Variants in SSBP2 observed in about 807,000 individuals in gnomAD.
SSBP2 encodes the protein single stranded DNA binding protein 2.
Under a neutral mutation model 61.8 loss-of-function variants are expected in SSBP2, and 17 were observed. The observed-to-expected ratio is 0.28, with a 90% CI of 0.19 to 0.41. SSBP2 has a LOEUF of 0.41. Ranked by LOEUF, SSBP2 falls within the 10% of genes least tolerant of loss-of-function variation. The probability of loss-of-function intolerance (pLI) is 1.00; values close to 1 mark genes in which losing one functional copy is unlikely to be tolerated. For missense variants in SSBP2, 310 were observed against 458.7 expected (o/e 0.68, Z 2.96); for synonymous variants, 139 against 141.3 (o/e 0.98, Z 0.12).
chr5:81,531,546 A>C (rs1430424584), intron 4 of SSBP2, among the ~76,000 whole-genome samples: 2 of 152,098 alleles, frequency 1.3e-5, no homozygotes, highest in Admixed American at 1.3e-4. Flanking sequence ...CTTAGTGTTT[A>C]AGGTAAGAAT....
chr5:81,525,803 G>A (rs1475368619), intron 4 of SSBP2, among the ~76,000 whole-genome samples: 1 of 151,976 alleles, frequency 6.6e-6, no homozygotes, highest in Admixed American at 6.6e-5. Flanking sequence ...TCTGCTGTGG[G>A]ACCTCTCTCA....
chr5:81,726,410 C>T (rs1025076187), intron 1 of SSBP2, among the ~76,000 whole-genome samples: 1 of 152,082 alleles, frequency 6.6e-6, no homozygotes, highest in Non-Finnish European at 1.5e-5. Context: ...AACAACAGTA[C>T]AGTAAGTGAA....
intron 4 of SSBP2, among the ~76,000 whole-genome samples, chr5:81,571,346 G>A (rs1383514433): frequency 6.6e-6 from 1 of 151,854 alleles, no homozygotes; most frequent in East Asian, 1.9e-4. Context: ...TGGGAGGTGA[G>A]AGTGCAGTGG....
chr5:81,560,504 T>C (rs1305192472), intron 4 of SSBP2, among the ~76,000 whole-genome samples: 15 of 152,166 alleles, frequency 9.9e-5, no homozygotes, highest in Admixed American at 9.8e-4. Context: ...GCAAGGTACA[T>C]AGCAGAAGTA....
rs1454946167 is a variant in SSBP2 at position 81,417,444 on chromosome 5, G to A, written c.*3060C>T. ...GCAGAGTAACAAGATTTTACCTACT[G>A]CTTACTTTTTCATTTTACATGTGTA... is the stretch of plus-strand genomic sequence containing the variant. On this transcript the variant is annotated 3_prime_UTR_variant, in exon 17 of 17. Transcript: ENST00000320672. 6.6e-6 allele frequency: 1 copy of A among 152,156 alleles called. No individual in the cohort carries two copies. Among genetic ancestry groups the A allele is most frequent in the Non-Finnish European group, 1.5e-5 (1 of 68,034 alleles). 9.4% of individuals were successfully genotyped at this position (152,156 alleles called of 1,614,324 possible).
At chr5:81,642,031 G>A (rs1748836565) in intron 2 of SSBP2, among the ~76,000 whole-genome samples, 1 of 152,072 alleles carries the variant, frequency 6.6e-6, no homozygotes, top group African/African-American at 2.4e-5. Context: ...GGAAAAGGAG[G>A]ACTTTCATTT....
chr5:81,679,288 C>T (rs895037120), intron 1 of SSBP2, among the ~76,000 whole-genome samples: 1 of 152,200 alleles, frequency 6.6e-6, no homozygotes, highest in Non-Finnish European at 1.5e-5. Context: ...GGATTACAGG[C>T]ATGTGCCACT....
intron 1 of SSBP2, among the ~76,000 whole-genome samples, chr5:81,683,031 A>G (rs983986469): frequency 1.3e-5 from 2 of 149,886 alleles, no homozygotes; most frequent in Non-Finnish European, 1.5e-5. Context: ...AGTAAATGAG[A>G]GCGATACCAT....
chr5:81,696,121 T>C (rs1450492749), intron 1 of SSBP2, among the ~76,000 whole-genome samples: 1 of 152,208 alleles, frequency 6.6e-6, no homozygotes, highest in Non-Finnish European at 1.5e-5. Flanking sequence ...CAAAGATTCC[T>C]GTTCCCTACA....
intron 1 of SSBP2, among the ~76,000 whole-genome samples, chr5:81,742,936 G>A (rs1305240530): frequency 6.6e-6 from 1 of 151,990 alleles, no homozygotes; most frequent in African/African-American, 2.4e-5. Flanking sequence ...AAAGAAAAAA[G>A]TCTGCTATGA....
At chr5:81,596,863 T>A (rs1364097740) in intron 4 of SSBP2, among the ~76,000 whole-genome samples, 1 of 148,778 alleles carries the variant, frequency 6.7e-6, no homozygotes, top group Non-Finnish European at 1.5e-5. Flanking sequence ...GACTTAAATG[T>A]TAGACCTAAA....
chr5:81,516,110 A>C (rs1292112146), intron 4 of SSBP2, among the ~76,000 whole-genome samples: 3 of 152,058 alleles, frequency 2.0e-5, no homozygotes, highest in Admixed American at 2.0e-4. Context: ...GGAATAGAGA[A>C]TTCCCAGTAA....
intron 4 of SSBP2, among the ~76,000 whole-genome samples, chr5:81,595,265 C>T (rs1267023432): frequency 1.3e-5 from 2 of 152,164 alleles, no homozygotes; most frequent in Non-Finnish European, 2.9e-5. Flanking sequence ...TTCCTCGACA[C>T]ATACACTCTC....
In SSBP2 at chr5:81,615,533, T is replaced by A; in HGVS notation, c.222A>T (p.Ala74=). The change falls in exon 4 of 17, where the codon GCA becomes GCT. Residue 74 remains alanine (A), a synonymous_variant. Transcript: ENST00000320672. Reference sequence around the variant, plus strand: ...CACATGTTTCACGTCTCTCTGGAGCTGCACAGTAGAGATCCCAAAATACAC... The same window carrying A: ...CACATGTTTCACGTCTCTCTGGAGCAGCACAGTAGAGATCCCAAAATACAC... 1 of 1,613,486 alleles carries A rather than the reference T, an allele frequency of 6.2e-7. No homozygotes were observed. Among genetic ancestry groups the A allele is most frequent in the South Asian group, 1.1e-5 (1 of 91,014 alleles).
chr5:81,522,931 C>T (rs1769606600), intron 4 of SSBP2, among the ~76,000 whole-genome samples: 1 of 151,876 alleles, frequency 6.6e-6, no homozygotes, highest in Non-Finnish European at 1.5e-5. Context: ...AAGAGAGAGA[C>T]CCAGAAATAA....
intron 5 of SSBP2, among the ~76,000 whole-genome samples, chr5:81,511,084 T>C (rs947886299): frequency 4.8e-4 from 73 of 152,118 alleles, no homozygotes; most frequent in African/African-American, 1.7e-3. Context: ...CTCTGTAAAT[T>C]ATTTTCCCTC....
At chr5:81,492,530 C>T (rs1766935531) in intron 5 of SSBP2, among the ~76,000 whole-genome samples, 1 of 151,522 alleles carries the variant, frequency 6.6e-6, no homozygotes, top group Non-Finnish European at 1.5e-5. Context: ...AAAAAACAGG[C>T]AGAAAAGAGT....
intron 6 of SSBP2, among the ~76,000 whole-genome samples, chr5:81,488,125 G>A (rs1342878557): frequency 7.9e-5 from 11 of 140,090 alleles, no homozygotes; most frequent in Non-Finnish European, 1.5e-4. Flanking sequence ...TTCATTCACC[G>A]ATAAAGTTAG....
At chr5:81,536,683 G>A (rs1460258967) in intron 4 of SSBP2, among the ~76,000 whole-genome samples, 3 of 152,104 alleles carry the variant, frequency 2.0e-5, no homozygotes, top group East Asian at 1.9e-4. Context: ...TCACCTATGC[G>A]CTTAACTCTA....
Sources: gnomAD v4.1 joint callset for allele counts (sites outside exome capture counted in the v4.1 genomes callset) on GRCh38, gnomAD v4.1.1 for gene constraint, MANE v1.5 for transcripts, NCBI Gene and HGNC (gene_info 2026-07-23, HGNC 2026-07-21) for gene names.